Variants in SAP30BP observed in about 807,000 individuals in gnomAD.
SAP30BP encodes the protein SAP30 binding protein, also known as SAP30-binding protein.
A neutral mutation model predicts 46.3 loss-of-function variants in SAP30BP; 31 were observed. The ratio of observed to expected loss-of-function variants is 0.67; its 90% confidence interval spans 0.50 to 0.90. The LOEUF (loss-of-function observed/expected upper bound fraction) is 0.90, where lower values mean the gene tolerates loss of function less well. Ranked by LOEUF, SAP30BP falls within the 40% of genes least tolerant of loss-of-function variation. SAP30BP has a pLI of 0.00. For missense variants in SAP30BP, 312 were observed against 391.0 expected, an observed-to-expected ratio of 0.80 and a Z score of 1.70; for synonymous variants, 169 against 144.2, an observed-to-expected ratio of 1.17 and a Z score of -1.23.
At chr17:75,682,582 A>G (rs1360408333) in intron 3 of SAP30BP, among the ~76,000 whole-genome samples, 2 of 152,170 alleles carry the variant, frequency 1.3e-5, no homozygotes, top group Non-Finnish European at 2.9e-5. Context: ...CTCTATCTAT[A>G]TATAAACATT....
intron 3 of SAP30BP, among the ~76,000 whole-genome samples, chr17:75,682,536 T>G (rs1163334444): frequency 6.6e-6 from 1 of 152,210 alleles, no homozygotes; most frequent in Non-Finnish European, 1.5e-5. Context: ...CTTTTATGTT[T>G]GCCTATAATA....
intron 3 of SAP30BP, among the ~76,000 whole-genome samples, chr17:75,681,938 G>A (rs1481322060): frequency 2.6e-5 from 4 of 152,114 alleles, no homozygotes; most frequent in Non-Finnish European, 4.4e-5. Context: ...GGTTGTTTGT[G>A]TGCCTTTGTT....
chr17:75,685,563 T>G (rs1475912174), intron 3 of SAP30BP, among the ~76,000 whole-genome samples: 2 of 152,198 alleles, frequency 1.3e-5, no homozygotes, highest in Non-Finnish European at 2.9e-5. Flanking sequence ...TTGATGTAAC[T>G]AACTCCTCAG....
At chr17:75,680,614 C>G (rs2060062171) in intron 3 of SAP30BP, among the ~76,000 whole-genome samples, 1 of 152,206 alleles carries the variant, frequency 6.6e-6, no homozygotes, top group Non-Finnish European at 1.5e-5. Context: ...GTTAGCAGTG[C>G]TTGGCCTTTT....
At chr17:75,677,576 T>A (rs189872650) in intron 3 of SAP30BP, among the ~76,000 whole-genome samples, 5 of 150,896 alleles carry the variant, frequency 3.3e-5, no homozygotes, top group Admixed American at 3.3e-4. Flanking sequence ...GGATTACAGA[T>A]GTGAACCACC....
intron 4 of SAP30BP, among the ~76,000 whole-genome samples, chr17:75,697,913 C>T (rs550675815): frequency 2.0e-5 from 3 of 152,262 alleles, no homozygotes; most frequent in Admixed American, 6.5e-5. Flanking sequence ...CGAAGCCAGC[C>T]GGGCAGCTCA....
chr17:75,699,734 C>G (rs771443497), intron 4 of SAP30BP, 49 bp from the exon 5 acceptor site: 5 of 1,279,704 alleles, frequency 3.9e-6, no homozygotes, highest in Non-Finnish European at 4.6e-6. Flanking sequence ...CCATGTCTGT[C>G]CCTTGTTCTA....
chr17:75,702,956 C>A, intron 6 of SAP30BP: 1 of 356,032 alleles, frequency 2.8e-6, no homozygotes, highest in Non-Finnish European at 5.2e-6. Context: ...GGTGAGAGGT[C>A]TTAGGACCAG....
chr17:75,706,174 T>G lies in SAP30BP; in HGVS notation c.745+82T>G. On this transcript the variant is annotated intron_variant, in intron 10 of 10. Coordinates refer to ENST00000584667, the MANE Select transcript of SAP30BP (RefSeq NM_013260.8). The surrounding 1 kb of genome is among the most constrained non-coding windows in gnomAD (Gnocchi z 4.6). ...GCTTGTTTGGGCGACAGACAGCACG[T>G]GGATCTGGGCCTGGGCTCAGCCTTG... is the stretch of plus-strand genomic sequence containing the variant. 1.3e-6 allele frequency: 2 copies of G among 1,565,210 alleles called. No individual in the cohort carries two copies. Among genetic ancestry groups the G allele is most frequent in the Non-Finnish European group, 1.7e-6 (2 of 1,158,378 alleles).
chr17:75,703,717 C>G (rs2060450753), intron 7 of SAP30BP, 91 bp from the exon 8 acceptor site: 1 of 1,203,468 alleles, frequency 8.3e-7, no homozygotes, highest in African/African-American at 1.5e-5. Flanking sequence ...TAAGGGGACC[C>G]CAGACCAAGA....
intron 3 of SAP30BP, chr17:75,672,169 C>T: frequency 2.7e-6 from 1 of 372,452 alleles, no homozygotes; most frequent in South Asian, 2.8e-5. Context: ...CTTTAAGTGT[C>T]ACTGCCCTGC....
At chr17:75,679,235 A>T (rs2060039834) in intron 3 of SAP30BP, among the ~76,000 whole-genome samples, 1 of 152,044 alleles carries the variant, frequency 6.6e-6, no homozygotes, top group Non-Finnish European at 1.5e-5. Context: ...TGACCTCGTG[A>T]TCTGCCTGCC....
At chr17:75,691,575 T>C in intron 3 of SAP30BP, 1 of 438,310 alleles carries the variant, frequency 2.3e-6, no homozygotes, top group Non-Finnish European at 4.6e-6. Flanking sequence ...GTTTGGTGAC[T>C]AACTTCCTGT....
intron 1 of SAP30BP, chr17:75,668,244 C>T (rs1187339652): frequency 1.9e-5 from 7 of 372,510 alleles, no homozygotes; most frequent in Admixed American, 4.8e-5. Flanking sequence ...TTCCTATAAA[C>T]ACTTTAGTGT....
intron 3 of SAP30BP, among the ~76,000 whole-genome samples, chr17:75,689,019 G>A (rs2060203469): frequency 6.6e-6 from 1 of 152,176 alleles, no homozygotes; most frequent in Non-Finnish European, 1.5e-5. Flanking sequence ...GGGTGGATGA[G>A]GGGTGCAGGC....
intron 3 of SAP30BP, among the ~76,000 whole-genome samples, chr17:75,682,290 T>C (rs1031186524): frequency 2.0e-5 from 3 of 151,982 alleles, no homozygotes; most frequent in Admixed American, 6.6e-5. Context: ...GTTCAAGCGA[T>C]TCTCCTGCCT....
At chr17:75,683,988 T>A (rs1349132175) in intron 3 of SAP30BP, 3 of 152,230 alleles carry the variant, frequency 2.0e-5, no homozygotes, top group African/African-American at 7.2e-5. Flanking sequence ...TGCTAGAGAA[T>A]CATTCCTGGA....
intron 3 of SAP30BP, 176 bp downstream of exon 3, chr17:75,672,039 A>G: frequency 1.6e-6 from 1 of 615,338 alleles, no homozygotes; most frequent in Non-Finnish European, 3.0e-6. Context: ...CTCAGGAATG[A>G]ACAAATCCTG....
At chr17:75,695,591 G>C (rs2060305606) in intron 4 of SAP30BP, among the ~76,000 whole-genome samples, 1 of 152,166 alleles carries the variant, frequency 6.6e-6, no homozygotes, top group African/African-American at 2.4e-5. Flanking sequence ...AGCTAGTTTA[G>C]TTCCTCTTAC....
Sources: allele counts gnomAD v4.1 joint callset (sites outside exome capture counted in the v4.1 genomes callset), GRCh38; gene constraint gnomAD v4.1.1; non-coding constraint Gnocchi (gnomAD v3.1); transcripts MANE v1.5; gene names NCBI Gene and HGNC (gene_info 2026-07-23, HGNC 2026-07-21).